Variants in ADGRG3 observed in about 807,000 individuals in gnomAD.
The protein encoded by ADGRG3 is adhesion G protein-coupled receptor G3.
A neutral mutation model predicts 54.3 loss-of-function variants in ADGRG3; 39 were observed. The ratio of observed to expected loss-of-function variants is 0.72; its 90% CI spans 0.56 to 0.94. The LOEUF is 0.94. ADGRG3 is among the 40% of genes least tolerant of loss of function. The probability of loss-of-function intolerance (pLI) is 0.00; values close to 1 mark genes in which losing one functional copy is unlikely to be tolerated. For missense variants in ADGRG3, 654 were observed against 694.6 expected, an observed-to-expected ratio of 0.94 and a Z score of 0.66; for synonymous variants, 312 against 290.0, an observed-to-expected ratio of 1.08 and a Z score of -0.77.
At chr16:57,684,800 G>A (rs192311092) in intron 10 of ADGRG3, among the ~76,000 whole-genome samples, 136 of 152,274 alleles carry the variant, frequency 8.9e-4, no homozygotes, top group East Asian at 7.4e-3. Flanking sequence ...AGGTCACCCC[G>A]TCCGCATGCG....
intron 1 of ADGRG3, 123 bp downstream of exon 1, chr16:57,668,528 C>A: frequency 1.1e-6 from 1 of 880,330 alleles, no homozygotes; most frequent in Non-Finnish European, 1.8e-6. Context: ...TGGGATGTGT[C>A]CTCCGATACC....
At chr16:57,668,260 C>T, upstream of ADGRG3, 2 of 1,066,660 alleles carry the variant, frequency 1.9e-6, no homozygotes, top group Non-Finnish European at 2.8e-6. Flanking sequence ...GGTGGGGCTG[C>T]AGGGTGGGGG....
chr16:57,666,001 T>G (rs1220264044), upstream of ADGRG3, among the ~76,000 whole-genome samples: 2 of 151,578 alleles, frequency 1.3e-5, no homozygotes, highest in African/African-American at 2.4e-5. Flanking sequence ...TCCCCACCTT[T>G]CTGCAGGTGG....
intron 1 of ADGRG3, among the ~76,000 whole-genome samples, chr16:57,671,007 C>A (rs1417591729): frequency 7.2e-5 from 11 of 152,146 alleles, no homozygotes; most frequent in African/African-American, 2.2e-4. Flanking sequence ...GGGTGGCAAT[C>A]CGAAAAGTGA....
intron 6 of ADGRG3, among the ~76,000 whole-genome samples, 167 bp downstream of exon 6, chr16:57,680,022 C>A (rs556496841): frequency 2.3e-5 from 2 of 88,688 alleles, no homozygotes; most frequent in African/African-American, 5.2e-5. Context: ...CCCTCCCCCC[C>A]CTCCTCACCT....
intron 1 of ADGRG3, among the ~76,000 whole-genome samples, chr16:57,669,629 C>T (rs927111966): frequency 6.6e-6 from 1 of 152,212 alleles, no homozygotes; most frequent in East Asian, 1.9e-4. Context: ...GAGAGGTCTA[C>T]ACACAGGAAG....
chr16:57,687,933 G>C (rs568063654), intron 11 of ADGRG3, among the ~76,000 whole-genome samples: 1 of 152,284 alleles, frequency 6.6e-6, no homozygotes, highest in East Asian at 1.9e-4. Context: ...TAGAGGTTTA[G>C]TTACAGATTT....
intron 3 of ADGRG3, among the ~76,000 whole-genome samples, chr16:57,676,953 A>G (rs1442837502): frequency 6.6e-6 from 1 of 152,246 alleles, no homozygotes; most frequent in Non-Finnish European, 1.5e-5. Flanking sequence ...TCTGGAAGAA[A>G]TGGATGTGGT....
intron 1 of ADGRG3, among the ~76,000 whole-genome samples, chr16:57,672,780 A>G (rs1330854100): frequency 6.6e-6 from 1 of 152,098 alleles, no homozygotes; most frequent in Non-Finnish European, 1.5e-5. Context: ...TGTATTTTCT[A>G]CCTGTCCCAG....
intron 3 of ADGRG3, among the ~76,000 whole-genome samples, chr16:57,677,877 A>C (rs999750331): frequency 4.6e-5 from 7 of 152,242 alleles, no homozygotes; most frequent in African/African-American, 1.7e-4. Flanking sequence ...AGCCGTCCTC[A>C]TACTTGCACA....
chr16:57,679,070 C>A, intron 4 of ADGRG3, 107 bp from the exon 5 acceptor site: 1 of 1,340,986 alleles, frequency 7.5e-7, no homozygotes, highest in Non-Finnish European at 1.0e-6. Context: ...CGAACTCTGC[C>A]CTCCAAGCAA....
At chr16:57,683,167 A>G (rs2048407371) in intron 8 of ADGRG3, among the ~76,000 whole-genome samples, 2 of 152,248 alleles carry the variant, frequency 1.3e-5, no homozygotes, top group Non-Finnish European at 2.9e-5. Context: ...GACCTCTGCG[A>G]AATGAGATCA....
chr16:57,666,603 G>A (rs1265018670), upstream of ADGRG3, among the ~76,000 whole-genome samples: 2 of 152,230 alleles, frequency 1.3e-5, no homozygotes, highest in Admixed American at 1.3e-4. Flanking sequence ...GCTGGGGCAG[G>A]AGGCGGCAGG....
Position 57,685,777 on chromosome 16 carries a change from C to G in ADGRG3, c.1391C>G (p.Thr464Arg), listed in dbSNP as rs759979275. 6.2e-7 allele frequency: 1 copy of G among 1,614,094 alleles called. No homozygotes were observed. Among genetic ancestry groups the G allele is most frequent in the Non-Finnish European group, 8.5e-7 (1 of 1,180,050 alleles). The change falls in exon 11 of 12, where the codon ACA becomes AGA. Residue 464 changes from threonine to arginine, a missense_variant. Physicochemically the swap from Thr to Arg is moderately conservative, Grantham distance 71 (BLOSUM62 -1). Coordinates refer to ENST00000333493, the MANE Select transcript of ADGRG3 (RefSeq NM_170776.5). ...VWKIFTLSRA[T>R]AVKERGKNRK... The stretch of plus-strand genomic sequence containing the variant: ...AAGATCTTCACCCTGTCCCGTGCTA[C>G]AGCGGTCAAGGAGCGGGGGAAGAAC...
At chr16:57,687,612 G>A (rs1216529346) in intron 11 of ADGRG3, among the ~76,000 whole-genome samples, 1 of 152,222 alleles carries the variant, frequency 6.6e-6, no homozygotes, top group Non-Finnish European at 1.5e-5. Flanking sequence ...TCTTCAATAT[G>A]TGGGAACTAT....
At chr16:57,675,741 T>C (rs530694162) in intron 2 of ADGRG3, among the ~76,000 whole-genome samples, 1 of 152,302 alleles carries the variant, frequency 6.6e-6, no homozygotes, top group Admixed American at 6.5e-5. Flanking sequence ...TATGATTCCA[T>C]TTGTGTGAGC....
At chr16:57,668,515 G>A in intron 1 of ADGRG3, 110 bp downstream of exon 1, 1 of 1,028,056 alleles carries the variant, frequency 9.7e-7, no homozygotes, top group Non-Finnish European at 1.4e-6. Context: ...GAGTTGGGGT[G>A]TCTGGGATGT....
chr16:57,675,125 G>C (rs542845871), intron 2 of ADGRG3, among the ~76,000 whole-genome samples: 8 of 151,638 alleles, frequency 5.3e-5, no homozygotes, highest in African/African-American at 1.9e-4. Context: ...ATGGATAACG[G>C]CATAATTAAA....
chr16:57,671,809 C>A (rs1415636420), intron 1 of ADGRG3, among the ~76,000 whole-genome samples: 1 of 152,040 alleles, frequency 6.6e-6, no homozygotes. Context: ...TTGCAATGCC[C>A]ATGGAATGGA....
Sources: gnomAD v4.1 joint callset for allele counts (sites outside exome capture counted in the v4.1 genomes callset) on GRCh38, gnomAD v4.1.1 for gene constraint, MANE v1.5 for transcripts, NCBI Gene and HGNC (gene_info 2026-07-23, HGNC 2026-07-21) for gene names.